ZFYVE19: variants seen among roughly 807,000 people sequenced by gnomAD.
ZFYVE19 encodes zinc finger FYVE-type containing 19, also known as abscission/NoCut checkpoint regulator.
ZFYVE19 carries 49 observed loss-of-function variants against 62.8 expected under a neutral mutation model. That is an observed-to-expected ratio of 0.78 (90% CI 0.62 to 0.99). The LOEUF is 0.99. Among genes scored for constraint, ZFYVE19 ranks in the 50% least tolerant of loss-of-function variants. The pLI is 0.00. For synonymous variants in ZFYVE19, 242 were observed against 234.3 expected (o/e 1.03, Z -0.30); for missense variants, 630 against 601.9 (o/e 1.05, Z -0.49).
rs1352146986 is a variant in ZFYVE19, at chr15:40,807,648, G to A, written c.59G>A (p.Arg20Lys). ...LPPLPYAGCR[R>K]ASGFPALGRG... ...CCGCTGCCGTACGCTGGCTGCAGGA[G>A]AGCGTCCGGATTCCCTGCTCTAGGT... Residue 20 changes from arginine (R) to lysine (K), a missense_variant, in exon 1 of 11, where the codon AGA (arginine) becomes AAA (lysine). Physicochemically the swap from Arg to Lys is conservative, Grantham distance 26 (BLOSUM62 2). Transcript: ENST00000355341. 3 of 1,612,878 alleles carry A rather than the reference G, an allele frequency of 1.9e-6. No individual in the cohort carries two copies. Among genetic ancestry groups the A allele is most frequent in the Non-Finnish European group, 2.5e-6 (3 of 1,179,816 alleles).
chr15:40,812,462 C>CCTCAGAGG (rs1890516466), intron 6 of ZFYVE19, among the ~76,000 whole-genome samples: 1 of 150,764 alleles, frequency 6.6e-6, no homozygotes, highest in Non-Finnish European at 1.5e-5. Context: ...AGGAGAATCG[C>CCTCAGAGG]TTGAATCCAG....
In ZFYVE19 at chr15:40,810,078, C is replaced by G; in HGVS notation, c.579C>G (p.Val193=). 2 of 1,614,148 alleles carry G rather than the reference C, an allele frequency of 1.2e-6. No homozygotes were observed. Among genetic ancestry groups the G allele is most frequent in the Non-Finnish European group, 1.7e-6 (2 of 1,180,024 alleles). Residue 193 remains valine, a synonymous_variant, in exon 5 of 11, where the codon GTC becomes GTG. Transcript: ENST00000355341. ...RLRQENKPKL[V]PSQAEIEARL... ...CCCCCATGCCAATTGCAGAGTTAGT[C>G]CCCTCACAGGCAGAGATAGAGGCAC...
At chr15:40,811,948 C>T (rs1028687913) in intron 6 of ZFYVE19, among the ~76,000 whole-genome samples, 4 of 152,200 alleles carry the variant, frequency 2.6e-5, no homozygotes, top group African/African-American at 9.7e-5. Flanking sequence ...TCTTAGCTTC[C>T]TTCATTGCCC....
In ZFYVE19 at chr15:40,814,268, G is replaced by T. The variant is rs71472455; in HGVS notation, c.*42G>T. The T allele has an allele frequency of 6.2e-7, 1 of 1,609,272 alleles. No homozygotes were observed. Among genetic ancestry groups the T allele is most frequent in the Non-Finnish European group, 8.5e-7 (1 of 1,178,098 alleles). ...CCGGAAGGGCAGTCCCACAGGCAGC[G>T]GCACCCATTTCTGGGCCCAGCCACA... On this transcript the variant is annotated 3_prime_UTR_variant, in exon 11 of 11. Transcript: ENST00000355341.
chr15:40,812,105 C>T (rs995992386), intron 6 of ZFYVE19, among the ~76,000 whole-genome samples: 1 of 152,136 alleles, frequency 6.6e-6, no homozygotes, highest in Non-Finnish European at 1.5e-5. Flanking sequence ...GTTAAAATAT[C>T]AGGTAGATGG....
Position 40,814,508 on chromosome 15 carries a change from C to T in ZFYVE19, c.*282C>T, listed in dbSNP as rs1046227. 4.0e-6 allele frequency: 2 copies of T among 500,334 alleles called. No individual in the cohort carries two copies. Among genetic ancestry groups the T allele is most frequent in the African/African-American group, 3.9e-5 (2 of 51,580 alleles). The allele number at this position is 500,334 out of a possible 1,614,324, so 31.0% of individuals were successfully genotyped here. A position where few individuals can be genotyped will look rare whatever the true frequency, so the allele number is the denominator to read the frequency against. ...TACGGGTGAGCCCTGTAACCTGGCT[C>T]TAGGGCACAGGCCCCTCCCCTGGCA... On this transcript the variant is annotated 3_prime_UTR_variant, in exon 11 of 11. Coordinates refer to ENST00000355341, the MANE Select transcript of ZFYVE19 (RefSeq NM_001077268.2).
chr15:40,812,940 G>A (rs1890543140), intron 7 of ZFYVE19, 38 bp downstream of exon 7: 2 of 1,600,360 alleles, frequency 1.2e-6, no homozygotes, highest in South Asian at 2.2e-5. Flanking sequence ...GGTATCCCTT[G>A]GTCAAGGCCT....
chr15:40,810,888 T>C (rs1191916372), intron 6 of ZFYVE19, 131 bp downstream of exon 6: 1 of 1,226,086 alleles, frequency 8.2e-7, no homozygotes, highest in Non-Finnish European at 1.1e-6. Context: ...TTACCATTCA[T>C]TGAGTGCTTA....
intron 2 of ZFYVE19, 57 bp from the exon 3 acceptor site, chr15:40,809,351 G>C (rs79608897): frequency 0.02 from 32,703 of 1,613,538 alleles, 1,065 homozygotes; most frequent in African/African-American, 0.15. Flanking sequence ...TGTTTGGAGT[G>C]GGGGGCACTG....
rs1435826198 is a variant in ZFYVE19 at position 40,807,709 on chromosome 15, G to GGCGGT, written c.122_123insGGTGC (p.Gly42ValfsTer69). The GGCGGT allele has an allele frequency of 1.2e-6, 2 of 1,602,748 alleles. No homozygotes were observed. The highest frequency in any genetic ancestry group is 1.7e-6 in the Non-Finnish European group (2 of 1,175,694). On this transcript the variant is annotated frameshift_variant, in exon 1 of 11. Transcript: ENST00000355341. LOFTEE classifies it high-confidence loss of function. ...CAGTGCCAGTGGGCGTGTGGGGCGG[G>GGCGGT]GCAGGGCAGGGAAGGGAAGGGCGGA... is the stretch of plus-strand genomic sequence containing the variant.
In ZFYVE19 at chr15:40,813,701, C is replaced by T; in HGVS notation, c.1111-12C>T. 1 of 1,610,516 alleles carries T rather than the reference C, an allele frequency of 6.2e-7. No homozygotes were observed. The highest frequency in any genetic ancestry group is 8.5e-7 in the Non-Finnish European group (1 of 1,178,258). ...GAAGCAGGGGAGTAGTACATCTTCA[C>T]CCTGTCCGCAGCTCACTGAAGAAGC... On this transcript the variant is annotated splice_polypyrimidine_tract_variant and intron_variant, in intron 8 of 10. Transcript: ENST00000355341.
In ZFYVE19 at chr15:40,814,349, T is replaced by C. The variant is rs1299375606; in HGVS notation, c.*123T>C. The stretch of plus-strand genomic sequence containing the variant: ...TACTGATGATGGATAGGCCCCTTCC[T>C]GAGCCTTGGTGTCCCTGGAATGAGG... On this transcript the variant is annotated 3_prime_UTR_variant, in exon 11 of 11. Coordinates refer to ENST00000355341, the MANE Select transcript of ZFYVE19 (RefSeq NM_001077268.2). 9.5e-7 allele frequency: 1 copy of C among 1,057,266 alleles called. No homozygotes were observed. Among genetic ancestry groups the C allele is most frequent in the Admixed American group, 2.2e-5 (1 of 44,748 alleles). 65.5% of individuals were successfully genotyped at this position (1,057,266 alleles called of 1,614,324 possible).
Position 40,812,737 on chromosome 15 carries a change from G to T in ZFYVE19, c.865G>T (p.Gly289Trp). ...GAATGATCTCAACCAGGGTGGCCCA[G>T]GGAGCACTAATTCCAAGAGGCAGGC... ...LQNDLNQGGP[G>W]STNSKRQANW... Residue 289 changes from glycine (G) to tryptophan (W), a missense_variant, in exon 7 of 11, where the codon GGG becomes TGG. Physicochemically the swap from Gly to Trp is radical, Grantham distance 184 (BLOSUM62 -2). Transcript: ENST00000355341. The T allele has an allele frequency of 6.2e-7, 1 of 1,610,922 alleles. No individual in the cohort carries two copies.
chr15:40,810,863 T>C (rs1020835883), intron 6 of ZFYVE19, 106 bp downstream of exon 6: 4 of 1,413,178 alleles, frequency 2.8e-6, no homozygotes, highest in Non-Finnish European at 3.8e-6. Context: ...CGGAGAGTGA[T>C]CAACGTTATA....
At chr15:40,809,733 C>A in intron 3 of ZFYVE19, 119 bp from the exon 4 acceptor site, 2 of 1,132,626 alleles carry the variant, frequency 1.8e-6, no homozygotes, top group Non-Finnish European at 2.6e-6. Context: ...CAGCAGATTG[C>A]CCATTGGAGG....
At chr15:40,808,410 C>T (rs1376506529) in intron 1 of ZFYVE19, 2 of 1,592,752 alleles carry the variant, frequency 1.3e-6, no homozygotes, top group South Asian at 1.1e-5. Flanking sequence ...GCCAGGGATT[C>T]TGACCAGGAG....
rs1890607454 is a variant in ZFYVE19 at position 40,814,425 on chromosome 15, C to G, written c.*199C>G. 1 of 650,806 alleles carries G rather than the reference C, an allele frequency of 1.5e-6. No individual in the cohort carries two copies. Among genetic ancestry groups the G allele is most frequent in the African/African-American group, 1.8e-5 (1 of 54,772 alleles). 40.3% of individuals were successfully genotyped at this position (650,806 alleles called of 1,614,324 possible). A position where few individuals can be genotyped will look rare whatever the true frequency, so the allele number is the denominator to read the frequency against. On this transcript the variant is annotated 3_prime_UTR_variant, in exon 11 of 11. Coordinates refer to ENST00000355341, the MANE Select transcript of ZFYVE19 (RefSeq NM_001077268.2). The stretch of plus-strand genomic sequence containing the variant: ...CTGGGAGGGAAGAAGTCGGGGCCCT[C>G]CTATTAGAAGCCCAGACTGGAAGTG...
chr15:40,807,128 G>C lies in ZFYVE19; in HGVS notation c.-462G>C. 1 of 992,106 alleles carries C rather than the reference G, an allele frequency of 1.0e-6. No individual in the cohort carries two copies. Among genetic ancestry groups the C allele is most frequent in the Non-Finnish European group, 1.4e-6 (1 of 694,696 alleles). 61.5% of individuals were successfully genotyped at this position (992,106 alleles called of 1,614,324 possible). On this transcript the variant is annotated 5_prime_UTR_variant, in exon 1 of 11. Transcript: ENST00000355341. ...CGCCCCGCGGCCTCTAGGAGACAGG[G>C]GCCACGGGGAGAGCACAGCCACCCG...
At position 40,814,080 on chromosome 15, in the gene ZFYVE19, G is replaced by T; in HGVS notation, c.1337+10G>T. ...GTGCCCGCTGCTTCCGGTGGGTGCAGGTGGAATGTTCTGTGCGAGAGCTCA... is the reference window on the plus strand; with the variant it reads ...GTGCCCGCTGCTTCCGGTGGGTGCATGTGGAATGTTCTGTGCGAGAGCTCA... On this transcript the variant is annotated intron_variant, in intron 10 of 10. Transcript: ENST00000355341. 6.2e-7 allele frequency: 1 copy of T among 1,614,176 alleles called. No homozygotes were observed. The highest frequency in any genetic ancestry group is 8.5e-7 in the Non-Finnish European group (1 of 1,180,014).
Sources: gnomAD v4.1 joint callset for allele counts (sites outside exome capture counted in the v4.1 genomes callset) on GRCh38, gnomAD v4.1.1 for gene constraint, MANE v1.5 for transcripts, NCBI Gene and HGNC (gene_info 2026-07-23, HGNC 2026-07-21) for gene names.